BABAM2: variants seen among roughly 807,000 people sequenced by gnomAD.
BABAM2 encodes the protein BRISC and BRCA1-A complex member 2.
BABAM2 carries 31 observed loss-of-function variants against 54.7 expected under a neutral mutation model. The observed-to-expected ratio is 0.57, with a 90% CI of 0.43 to 0.77. The LOEUF is 0.77. Ranked by LOEUF, BABAM2 falls within the 30% of genes least tolerant of loss-of-function variation. The probability of loss-of-function intolerance (pLI) is 0.00; values close to 1 mark genes in which losing one functional copy is unlikely to be tolerated. For synonymous variants in BABAM2, 167 were observed against 162.9 expected (o/e 1.03, Z -0.19); for missense variants, 364 against 455.8 (o/e 0.80, Z 1.83).
intron 6 of BABAM2, among the ~76,000 whole-genome samples, chr2:28,072,340 T>C (rs979261704): frequency 3.3e-5 from 5 of 150,990 alleles, no homozygotes; most frequent in Non-Finnish European, 5.9e-5. Context: ...GCCCAGCTAA[T>C]TTTTGTATTT....
chr2:28,302,353 G>A (rs1376900446), intron 11 of BABAM2, among the ~76,000 whole-genome samples: 1 of 151,546 alleles, frequency 6.6e-6, no homozygotes, highest in Non-Finnish European at 1.5e-5. Flanking sequence ...GGAGGCGGAG[G>A]TTGCAGTGAG....
intron 7 of BABAM2, among the ~76,000 whole-genome samples, chr2:28,138,799 T>C (rs1029840375): frequency 1.3e-5 from 2 of 152,124 alleles, no homozygotes; most frequent in African/African-American, 2.4e-5. Flanking sequence ...GCCAGTTCAT[T>C]TTGCTTGTGT....
In BABAM2 at chr2:27,962,364, G is replaced by A. The variant is rs539376911; in HGVS notation, c.206-25629G>A. Among the ~76,000 whole-genome samples the A allele has an allele frequency of 1.3e-4, 20 of 152,284 alleles. No individual in the cohort carries two copies. In the South Asian group the frequency reaches 3.7e-3, roughly 28 times the overall value. On this transcript the variant is annotated intron_variant, in intron 3 of 11. Transcript: ENST00000379624. ...CAAGGGATCCTCCTGGCCTCCCAAA[G>A]TGGTGGGATTACAGGTGTGAGCCAC...
intron 11 of BABAM2, among the ~76,000 whole-genome samples, chr2:28,332,602 G>A (rs1402333543): frequency 6.6e-6 from 1 of 152,162 alleles, no homozygotes; most frequent in African/African-American, 2.4e-5. Flanking sequence ...TGGACAGAAG[G>A]AGAGCTGTTT....
At chr2:27,999,805 T>C (rs964389828) in intron 4 of BABAM2, among the ~76,000 whole-genome samples, 1 of 152,246 alleles carries the variant, frequency 6.6e-6, no homozygotes, top group African/African-American at 2.4e-5. Context: ...ACTTTTATTA[T>C]ACATTTAAAA....
At chr2:27,991,630 T>G (rs1672778729) in intron 4 of BABAM2, among the ~76,000 whole-genome samples, 3 of 152,240 alleles carry the variant, frequency 2.0e-5, no homozygotes, top group Admixed American at 6.5e-5. Context: ...TTCTGGACAT[T>G]ACATATAAAT....
At chr2:28,074,536 G>A (rs959285007) in intron 6 of BABAM2, among the ~76,000 whole-genome samples, 1 of 152,108 alleles carries the variant, frequency 6.6e-6, no homozygotes, top group East Asian at 1.9e-4. Flanking sequence ...TTCAAATTTA[G>A]CCTTTTATGT....
chr2:27,998,739 G>A (rs920928176), intron 4 of BABAM2, among the ~76,000 whole-genome samples: 11 of 152,110 alleles, frequency 7.2e-5, no homozygotes, highest in Non-Finnish European at 8.8e-5. Flanking sequence ...ATAACTAATA[G>A]TTGGTTATGG....
intron 1 of BABAM2, among the ~76,000 whole-genome samples, chr2:27,893,668 A>T (rs1665040614): frequency 6.6e-6 from 1 of 152,190 alleles, no homozygotes; most frequent in Non-Finnish European, 1.5e-5. Flanking sequence ...AGGTAGTTAT[A>T]CTACACTGTG....
chr2:28,087,597 C>G (rs912255186), intron 6 of BABAM2, among the ~76,000 whole-genome samples: 3 of 151,978 alleles, frequency 2.0e-5, no homozygotes, highest in Non-Finnish European at 2.9e-5. Flanking sequence ...TTAGCCTTGC[C>G]TCTCACTGCA....
chr2:28,052,256 C>T (rs1278605514), intron 6 of BABAM2, among the ~76,000 whole-genome samples: 1 of 146,640 alleles, frequency 6.8e-6, no homozygotes, highest in Non-Finnish European at 1.5e-5. Context: ...GCATACTAGC[C>T]AAAATAATCA....
chr2:28,102,085 G>A (rs904416054), intron 6 of BABAM2, among the ~76,000 whole-genome samples: 2 of 152,144 alleles, frequency 1.3e-5, no homozygotes, highest in South Asian at 2.1e-4. Context: ...TTGTTTATTC[G>A]TCATCCCCTG....
At chr2:28,153,540 C>T (rs1342904019) in intron 7 of BABAM2, among the ~76,000 whole-genome samples, 1 of 152,174 alleles carries the variant, frequency 6.6e-6, no homozygotes, top group Non-Finnish European at 1.5e-5. Flanking sequence ...CTTGGTATTG[C>T]TGTCTTTGAG....
chr2:27,989,622 A>T (rs144881324), intron 4 of BABAM2, among the ~76,000 whole-genome samples: 1 of 152,162 alleles, frequency 6.6e-6, no homozygotes, highest in South Asian at 2.1e-4. Context: ...GAAGGAAATG[A>T]TGAAGGGAGA....
intron 6 of BABAM2, among the ~76,000 whole-genome samples, chr2:28,125,224 A>G (rs1669406034): frequency 6.6e-6 from 1 of 152,210 alleles, no homozygotes; most frequent in Admixed American, 6.5e-5. Context: ...AAGCAGGCTT[A>G]TACAAACTCA....
At chr2:28,025,479 C>A in intron 5 of BABAM2, 59 bp downstream of exon 5, 1 of 1,416,680 alleles carries the variant, frequency 7.1e-7, no homozygotes, top group Middle Eastern at 1.9e-4. Flanking sequence ...ATAATCAATT[C>A]ATATGTCCAT....
At chr2:28,089,114 C>T (rs903420659) in intron 6 of BABAM2, among the ~76,000 whole-genome samples, 2 of 151,812 alleles carry the variant, frequency 1.3e-5, no homozygotes, top group Admixed American at 6.6e-5. Flanking sequence ...TTAATTTTTA[C>T]GAACTCTCCT....
At chr2:28,126,193 G>GCAGGTTAGTTA (rs1289858072) in intron 6 of BABAM2, among the ~76,000 whole-genome samples, 1 of 151,484 alleles carries the variant, frequency 6.6e-6, no homozygotes, top group African/African-American at 2.4e-5. Context: ...TGCACAATGT[G>GCAGGTTAGTTA]CAGGTTAGTT....
At chr2:28,237,146 C>T (rs1681988446) in intron 7 of BABAM2, 56 bp from the exon 8 acceptor site, 2 of 1,493,562 alleles carry the variant, frequency 1.3e-6, no homozygotes, top group Non-Finnish European at 1.9e-6. Context: ...GGGGGTGTCA[C>T]TTCTTAAGTT....
Sources: allele counts gnomAD v4.1 joint callset (sites outside exome capture counted in the v4.1 genomes callset), GRCh38; gene constraint gnomAD v4.1.1; transcripts MANE v1.5; gene names NCBI Gene and HGNC (gene_info 2026-07-23, HGNC 2026-07-21).